DOC2B: variants seen among roughly 807,000 people sequenced by gnomAD.
DOC2B encodes double C2 domain beta, also known as double C2-like domain-containing protein beta.
Under a neutral mutation model 28.9 loss-of-function variants are expected in DOC2B, and 21 were observed. The ratio of observed to expected loss-of-function variants is 0.73; its 90% CI spans 0.52 to 1.05. The LOEUF (loss-of-function observed/expected upper bound fraction) is 1.05, where lower values mean the gene tolerates loss of function less well. DOC2B is among the 50% of genes least tolerant of loss of function. The probability of loss-of-function intolerance (pLI) is 0.00; values close to 1 mark genes in which losing one functional copy is unlikely to be tolerated. For missense variants in DOC2B, 384 were observed against 421.1 expected, an observed-to-expected ratio of 0.91 and a Z score of 0.77; for synonymous variants, 194 against 178.1, an observed-to-expected ratio of 1.09 and a Z score of -0.71.
chr17:158,201 G>A (rs1233645114), intron 5 of DOC2B, among the ~76,000 whole-genome samples: 2 of 151,866 alleles, frequency 1.3e-5, no homozygotes, highest in Non-Finnish European at 2.9e-5. Flanking sequence ...TTGCCCTCCC[G>A]AGACTACCCG....
chr17:156,202 C>A lies in DOC2B; in HGVS notation c.923+18G>T. On this transcript the variant is annotated intron_variant, in intron 6 of 8. Coordinates refer to ENST00000613549, the MANE Select transcript of DOC2B (RefSeq NM_003585.5). ...GAGGTGAAGACGTGGCAGGTGGTCACGCGCACGGCACACTCACGTTTTCAC... is the reference window on the plus strand; with the variant it reads ...GAGGTGAAGACGTGGCAGGTGGTCAAGCGCACGGCACACTCACGTTTTCAC... 1 of 1,538,242 alleles carries A rather than the reference C, an allele frequency of 6.5e-7. No homozygotes were observed. Among genetic ancestry groups the A allele is most frequent in the Non-Finnish European group, 8.8e-7 (1 of 1,139,146 alleles).
chr17:159,035 A>G (rs1034036726), intron 5 of DOC2B, among the ~76,000 whole-genome samples: 3 of 88,254 alleles, frequency 3.4e-5, no homozygotes, highest in African/African-American at 8.3e-5. Flanking sequence ...CATAGACTCC[A>G]TCTCATAAAA....
intron 6 of DOC2B, among the ~76,000 whole-genome samples, chr17:150,220 C>T (rs1177132252): frequency 1.3e-5 from 2 of 152,342 alleles, no homozygotes; most frequent in African/African-American, 2.4e-5. Flanking sequence ...GCTTCTCACC[C>T]TGTTCCTGCA....
At chr17:162,508 G>A (rs2040216880) in intron 3 of DOC2B, among the ~76,000 whole-genome samples, 1 of 152,210 alleles carries the variant, frequency 6.6e-6, no homozygotes, top group African/African-American at 2.4e-5. Context: ...GTGGAGGAAG[G>A]GGCCACAAGC....
intron 2 of DOC2B, among the ~76,000 whole-genome samples, chr17:166,325 G>A (rs535242405): frequency 3.9e-5 from 6 of 152,390 alleles, no homozygotes; most frequent in South Asian, 2.1e-4. Flanking sequence ...GGCCTCCCAC[G>A]GAGCCTGACC....
intron 6 of DOC2B, among the ~76,000 whole-genome samples, chr17:153,750 C>A (rs1555522056): frequency 1.3e-5 from 2 of 151,572 alleles, no homozygotes; most frequent in Non-Finnish European, 2.9e-5. Flanking sequence ...TATCCTCCTG[C>A]AAGGATATAT....
chr17:152,344 G>C (rs763454074), intron 6 of DOC2B, among the ~76,000 whole-genome samples: 9 of 152,134 alleles, frequency 5.9e-5, no homozygotes, highest in Non-Finnish European at 1.3e-4. Flanking sequence ...CGTGTAACTC[G>C]ACATGTCAGC....
At chr17:157,289 G>A (rs939084781) in intron 5 of DOC2B, among the ~76,000 whole-genome samples, 5 of 152,162 alleles carry the variant, frequency 3.3e-5, no homozygotes, top group Non-Finnish European at 7.3e-5. Context: ...AGTGTTCACC[G>A]TTGATAAATT....
At chr17:169,597 C>T (rs562346210) in intron 2 of DOC2B, among the ~76,000 whole-genome samples, 4 of 152,190 alleles carry the variant, frequency 2.6e-5, no homozygotes, top group Admixed American at 2.6e-4. Flanking sequence ...TGCCAGGGGC[C>T]ACGTGTTAAC....
chr17:143,860 GT>G lies in DOC2B; in HGVS notation c.*3580del, dbSNP rs1340699592. ...AGCCGTCACATGGCAGCAAAACGGGGTTAAGCAGTGCACGAGAGTCTGCGTC... is the reference window on the plus strand; with the variant it reads ...AGCCGTCACATGGCAGCAAAACGGGGTAAGCAGTGCACGAGAGTCTGCGTC... On this transcript the variant is annotated 3_prime_UTR_variant, in exon 9 of 9. Coordinates refer to ENST00000613549, the MANE Select transcript of DOC2B (RefSeq NM_003585.5). The G allele has an allele frequency of 6.6e-6, 1 of 152,238 alleles. No individual in the cohort carries two copies. Among genetic ancestry groups the G allele is most frequent in the Non-Finnish European group, 1.5e-5 (1 of 68,032 alleles). 9.4% of individuals were successfully genotyped at this position (152,238 alleles called of 1,614,324 possible).
intron 6 of DOC2B, among the ~76,000 whole-genome samples, chr17:155,426 G>A (rs2040123692): frequency 6.6e-6 from 1 of 152,120 alleles, no homozygotes; most frequent in African/African-American, 2.4e-5. Context: ...GGTCCTTGGT[G>A]TCCCCTAGGT....
intron 1 of DOC2B, among the ~76,000 whole-genome samples, chr17:178,624 G>A (rs1437512271): frequency 3.3e-5 from 5 of 152,194 alleles, no homozygotes; most frequent in African/African-American, 7.2e-5. Flanking sequence ...CCCTGTCATC[G>A]CCCCTCTTCG....
At position 175,852 on chromosome 17, in the gene DOC2B, C is replaced by G. The variant is rs146418473; in HGVS notation, c.374-3236G>C. Reference sequence around the variant, plus strand: ...ACCCCTGTCCAAGGAGGGCAGCGATCTTCTCCAACTGCCTGGGGGGAAAAC... The same window carrying G: ...ACCCCTGTCCAAGGAGGGCAGCGATGTTCTCCAACTGCCTGGGGGGAAAAC... On this transcript the variant is annotated intron_variant, in intron 1 of 8. Transcript: ENST00000613549. 2.0e-3 allele frequency among the ~76,000 whole-genome samples: 299 copies of G among 152,360 alleles called. 3 individuals carry two copies. Among genetic ancestry groups the G allele is most frequent in the African/African-American group, 6.4e-3 (268 of 41,584 alleles).
chr17:150,081 G>A (rs1255233840), intron 6 of DOC2B, among the ~76,000 whole-genome samples: 1 of 152,154 alleles, frequency 6.6e-6, no homozygotes, highest in African/African-American at 2.4e-5. Flanking sequence ...GGAGTGACTT[G>A]CCCAAGGTCA....
In DOC2B at chr17:145,649, G is replaced by A. The variant is rs1278747039; in HGVS notation, c.*1792C>T. ...TTCAAATCATAACCCTGGACCTCAG[G>A]TGGTGGTGTGCTTTGTGTCTGCAGT... On this transcript the variant is annotated 3_prime_UTR_variant, in exon 9 of 9. Coordinates refer to ENST00000613549, the MANE Select transcript of DOC2B (RefSeq NM_003585.5). 2.0e-5 allele frequency: 3 copies of A among 152,462 alleles called. No individual in the cohort carries two copies. The highest frequency in any genetic ancestry group is 7.2e-5 in the African/African-American group (3 of 41,456). The allele number at this position is 152,462 out of a possible 1,614,324, so 9.4% of individuals were successfully genotyped here.
intron 3 of DOC2B, 147 bp downstream of exon 3, chr17:163,983 T>C (rs2040232901): frequency 1.6e-6 from 1 of 629,332 alleles, no homozygotes; most frequent in African/African-American, 1.8e-5. Context: ...TCCCATCAGC[T>C]TGCTTGGACT....
chr17:161,670 G>A (rs1047113638), intron 4 of DOC2B, 129 bp from the exon 5 acceptor site: 90 of 1,438,976 alleles, frequency 6.3e-5, no homozygotes, highest in African/African-American at 2.7e-4. Context: ...GGTGGGAGAC[G>A]CACAAGATGC....
chr17:158,874 A>G (rs570013360), intron 5 of DOC2B, among the ~76,000 whole-genome samples: 25 of 148,710 alleles, frequency 1.7e-4, no homozygotes, highest in Admixed American at 1.3e-3. Flanking sequence ...GTGAAACCCC[A>G]TCTCTACTAA....
In DOC2B at chr17:144,875, T is replaced by A. The variant is rs974764230; in HGVS notation, c.*2566A>T. On this transcript the variant is annotated 3_prime_UTR_variant, in exon 9 of 9. Transcript: ENST00000613549. ...TGCCTAATAAGGAAGTCATGGTAGG[T>A]GGGGGGTACAGCCTCTTCTCGCTTT... is the stretch of plus-strand genomic sequence containing the variant. 1 of 152,102 alleles carries A rather than the reference T, an allele frequency of 6.6e-6. No homozygotes were observed. The highest frequency in any genetic ancestry group is 1.9e-4 in the East Asian group (1 of 5,186). The allele number at this position is 152,102 out of a possible 1,614,324, so 9.4% of individuals were successfully genotyped here.
Sources: allele counts gnomAD v4.1 joint callset (sites outside exome capture counted in the v4.1 genomes callset), GRCh38; gene constraint gnomAD v4.1.1; transcripts MANE v1.5; gene names NCBI Gene and HGNC (gene_info 2026-07-23, HGNC 2026-07-21).